UNC13C: variants seen among roughly 807,000 people sequenced by gnomAD.
UNC13C encodes the protein unc-13 homolog C, also known as protein unc-13 homolog C.
A neutral mutation model predicts 245.4 loss-of-function variants in UNC13C; 174 were observed. The observed-to-expected ratio is 0.71, with a 90% confidence interval of 0.63 to 0.80. The LOEUF (loss-of-function observed/expected upper bound fraction) is 0.80. Ranked by LOEUF, UNC13C falls within the 30% of genes least tolerant of loss-of-function variation. The pLI is 0.00. For missense variants in UNC13C, 2,829 were observed against 2,602.9 expected (o/e 1.09, Z -1.89); for synonymous variants, 992 against 895.1 (o/e 1.11, Z -1.93).
the UNC13C span, among the ~76,000 whole-genome samples, chr15:53,924,252 T>C: frequency 6.7e-6 from 1 of 149,162 alleles, no homozygotes; most frequent in South Asian, 2.1e-4. Flanking sequence ...AAAAAAGAGA[T>C]AGCACGGCAC....
chr15:54,085,478 T>A (rs1899187182), intron 2 of UNC13C, among the ~76,000 whole-genome samples: 1 of 152,176 alleles, frequency 6.6e-6, no homozygotes, highest in Non-Finnish European at 1.5e-5. Flanking sequence ...ATCTCAGTCA[T>A]TGAATTTGCA....
Position 54,265,455 on chromosome 15 carries a change from T to C in UNC13C, c.3777T>C (p.Ile1259=). 2.6e-6 allele frequency: 4 copies of C among 1,564,652 alleles called. No individual in the cohort carries two copies. The highest frequency in any genetic ancestry group is 1.2e-5 in the South Asian group (1 of 84,620). ...VGKNKRRTKT[I]FGNLNPVWDE... Reference sequence around the variant, plus strand: ...AGAACAAAAGAAGAACAAAAACCATTTTTGGAAATTTGAATCCAGTATGGG... The same window carrying C: ...AGAACAAAAGAAGAACAAAAACCATCTTTGGAAATTTGAATCCAGTATGGG... Residue 1259 remains isoleucine (I), a synonymous_variant, in exon 10 of 33, where the codon ATT becomes ATC. Transcript: ENST00000260323.
chr15:54,390,300 G>A lies in UNC13C; in HGVS notation c.4714-2748G>A, dbSNP rs183648743. ...TATTTTCTTATGTGATATCATGAAA[G>A]TGTAATATACATCCCATCAGCTTGT... On this transcript the variant is annotated intron_variant, in intron 17 of 32. Coordinates refer to ENST00000260323, the MANE Select transcript of UNC13C (RefSeq NM_001080534.3). 2.6e-5 allele frequency among the ~76,000 whole-genome samples: 4 copies of A among 152,188 alleles called. No individual in the cohort carries two copies. The East Asian group carries it at 5.8e-4, about 22-fold the overall frequency.
intron 4 of UNC13C, among the ~76,000 whole-genome samples, chr15:54,173,293 G>A (rs1172538258): frequency 2.0e-5 from 3 of 151,964 alleles, no homozygotes; most frequent in Non-Finnish European, 2.9e-5. Context: ...CATTAAACCT[G>A]TTGATTAATT....
intron 2 of UNC13C, among the ~76,000 whole-genome samples, chr15:54,075,851 A>G (rs984183373): frequency 3.9e-5 from 6 of 152,074 alleles, no homozygotes; most frequent in Non-Finnish European, 8.8e-5. Flanking sequence ...CCAGAGAATA[A>G]TTTTAAATAT....
chr15:53,857,890 T>A, the UNC13C span, among the ~76,000 whole-genome samples: 3 of 152,240 alleles, frequency 2.0e-5, no homozygotes, highest in Non-Finnish European at 4.4e-5. Flanking sequence ...TTCTTCAGTA[T>A]TATTTAACAA....
intron 30 of UNC13C, among the ~76,000 whole-genome samples, chr15:54,591,258 T>C (rs1393089353): frequency 6.6e-6 from 1 of 151,998 alleles, no homozygotes; most frequent in Non-Finnish European, 1.5e-5. Flanking sequence ...AGTTTTCTTT[T>C]TTGTGTCCTT....
chr15:54,594,075 C>A (rs376994057), intron 30 of UNC13C, among the ~76,000 whole-genome samples: 2 of 152,196 alleles, frequency 1.3e-5, no homozygotes, highest in East Asian at 3.9e-4. Context: ...GTGAGCCATA[C>A]TGCAGGGATT....
the UNC13C span, among the ~76,000 whole-genome samples, chr15:53,961,079 A>G: frequency 2.0e-5 from 3 of 152,156 alleles, no homozygotes; most frequent in Non-Finnish European, 2.9e-5. Flanking sequence ...CTATTTTTTG[A>G]TGGTTCCTAG....
Position 54,072,416 on chromosome 15 carries a change from C to T in UNC13C, c.2983+56530C>T, listed in dbSNP as rs190195901. On this transcript the variant is annotated intron_variant, in intron 2 of 32. Transcript: ENST00000260323. ...TTCCATCAGAATGCCCAGCAAAAGG[C>T]CTGGTAGCTGAGGCTGTCCTTTGCA... Among the ~76,000 whole-genome samples, 164 of 152,188 alleles carry T rather than the reference C, an allele frequency of 1.1e-3. 1 individual carries two copies. Among genetic ancestry groups the T allele is most frequent in the African/African-American group, 3.8e-3 (158 of 41,506 alleles).
chr15:54,562,033 C>T (rs1442380952), intron 29 of UNC13C, among the ~76,000 whole-genome samples: 3 of 151,880 alleles, frequency 2.0e-5, no homozygotes, highest in African/African-American at 7.3e-5. Flanking sequence ...GGGAGACAGC[C>T]AGGAAGGCTA....
chr15:53,902,669 G>A, the UNC13C span, among the ~76,000 whole-genome samples: 2 of 152,200 alleles, frequency 1.3e-5, no homozygotes, highest in South Asian at 2.1e-4. Context: ...GCATAAGGGG[G>A]TATATAATTC....
chr15:54,361,047 C>T (rs764448773), intron 17 of UNC13C, among the ~76,000 whole-genome samples: 6 of 152,090 alleles, frequency 3.9e-5, no homozygotes, highest in Non-Finnish European at 8.8e-5. Context: ...CTTAAATATG[C>T]TTTCTGGGTC....
the UNC13C span, among the ~76,000 whole-genome samples, chr15:53,923,062 C>A: frequency 6.6e-6 from 1 of 152,142 alleles, no homozygotes; most frequent in East Asian, 1.9e-4. Context: ...TTAATGTATT[C>A]ATTTGCATTT....
chr15:54,578,536 A>G (rs895251420), intron 30 of UNC13C, among the ~76,000 whole-genome samples: 1 of 152,232 alleles, frequency 6.6e-6, no homozygotes, highest in Admixed American at 6.5e-5. Context: ...TGAAGGTAAC[A>G]TACATATATT....
chr15:54,103,661 T>A (rs1381645783), intron 2 of UNC13C, among the ~76,000 whole-genome samples: 1 of 152,116 alleles, frequency 6.6e-6, no homozygotes, highest in Admixed American at 6.5e-5. Context: ...CTGTCATTAT[T>A]TTTTTTTCTA....
intron 4 of UNC13C, among the ~76,000 whole-genome samples, chr15:54,191,399 C>A (rs1167263169): frequency 6.6e-6 from 1 of 152,136 alleles, no homozygotes; most frequent in African/African-American, 2.4e-5. Flanking sequence ...TTTATGGCTG[C>A]ATAGTATTCC....
chr15:53,961,022 G>A, the UNC13C span, among the ~76,000 whole-genome samples: 2 of 152,194 alleles, frequency 1.3e-5, no homozygotes, highest in Admixed American at 1.3e-4. Context: ...GTGTATTCCT[G>A]CACCTAAAAT....
At chr15:53,956,714 G>T in the UNC13C span, among the ~76,000 whole-genome samples, 1 of 151,782 alleles carries the variant, frequency 6.6e-6, no homozygotes, top group African/African-American at 2.4e-5. Flanking sequence ...GAATGATTGT[G>T]TAGTTGAAGG....
Sources: allele counts gnomAD v4.1 joint callset (sites outside exome capture counted in the v4.1 genomes callset), GRCh38; gene constraint gnomAD v4.1.1; transcripts MANE v1.5; gene names NCBI Gene and HGNC (gene_info 2026-07-23, HGNC 2026-07-21).